NPAS3: variants seen among roughly 807,000 people sequenced by gnomAD.
The protein encoded by NPAS3 is neuronal PAS domain-containing protein 3.
NPAS3 carries 14 observed loss-of-function variants against 73.1 expected under a neutral mutation model. The ratio of observed to expected loss-of-function variants is 0.19; its 90% confidence interval spans 0.13 to 0.30. The LOEUF (loss-of-function observed/expected upper bound fraction) is 0.30, where lower values mean the gene tolerates loss of function less well. NPAS3 is among the 10% of genes least tolerant of loss of function. The pLI, the probability that NPAS3 is intolerant of heterozygous loss-of-function variation, is 1.00. For missense variants in NPAS3, 1,096 were observed against 1,250.0 expected (o/e 0.88, Z 1.86); for synonymous variants, 620 against 541.5 (o/e 1.14, Z -2.01).
intron 4 of NPAS3, among the ~76,000 whole-genome samples, chr14:33,543,402 T>C (rs577825511): frequency 6.6e-6 from 1 of 152,334 alleles, no homozygotes; most frequent in African/African-American, 2.4e-5. Flanking sequence ...TCCCATTCTT[T>C]CTTCACATTC....
upstream of NPAS3, among the ~76,000 whole-genome samples, chr14:32,938,486 T>TAAGAGAGAGAGAGAGAGAGA (rs1555372901): frequency 1.8e-5 from 1 of 55,906 alleles, no homozygotes; most frequent in Non-Finnish European, 3.3e-5. Flanking sequence ...AGAGAGAAAT[T>TAAGAGAGAGAGAGAGAGAGA]GAGAGAGAGA....
intron 7 of NPAS3, among the ~76,000 whole-genome samples, chr14:33,737,348 G>C (rs1368901325): frequency 6.6e-6 from 1 of 152,176 alleles, no homozygotes; most frequent in Non-Finnish European, 1.5e-5. Context: ...GATTAAAGAT[G>C]CTTTGCAGTA....
At chr14:33,272,777 C>T (rs550715852) in intron 3 of NPAS3, among the ~76,000 whole-genome samples, 3 of 152,128 alleles carry the variant, frequency 2.0e-5, no homozygotes, top group Non-Finnish European at 4.4e-5. Flanking sequence ...GTAGACAACA[C>T]GTTGCAAGAA....
chr14:33,331,171 A>C (rs935319920), intron 3 of NPAS3, among the ~76,000 whole-genome samples: 6 of 152,334 alleles, frequency 3.9e-5, no homozygotes, highest in African/African-American at 1.2e-4. Flanking sequence ...AGATCTCATC[A>C]GTACCGAGAC....
intron 4 of NPAS3, among the ~76,000 whole-genome samples, chr14:33,400,727 A>G (rs1225141981): frequency 6.6e-6 from 1 of 152,008 alleles, no homozygotes; most frequent in Non-Finnish European, 1.5e-5. Context: ...ATTTGGAAAC[A>G]TTTTAAACTA....
chr14:33,747,139 G>A (rs1374010092), intron 7 of NPAS3, among the ~76,000 whole-genome samples: 1 of 151,818 alleles, frequency 6.6e-6, no homozygotes, highest in East Asian at 1.9e-4. Flanking sequence ...ACATGCACAC[G>A]TATGTTTACT....
At chr14:33,202,792 T>C (rs904944650) in intron 2 of NPAS3, among the ~76,000 whole-genome samples, 1 of 152,034 alleles carries the variant, frequency 6.6e-6, no homozygotes, top group Non-Finnish European at 1.5e-5. Context: ...CATGGAAAGA[T>C]GGTATCATTA....
chr14:33,638,519 T>C (rs1343456929), intron 5 of NPAS3, among the ~76,000 whole-genome samples: 2 of 152,248 alleles, frequency 1.3e-5, no homozygotes, highest in East Asian at 3.8e-4. Context: ...AGTTCTGTTC[T>C]GTAGATTAAA....
At chr14:33,673,176 C>G (rs982103939) in intron 5 of NPAS3, among the ~76,000 whole-genome samples, 4 of 152,194 alleles carry the variant, frequency 2.6e-5, no homozygotes, top group Non-Finnish European at 1.5e-5. Context: ...CTGAATAAAG[C>G]AAGGCTGAAG....
At chr14:33,265,941 G>T (rs2040795330) in intron 3 of NPAS3, among the ~76,000 whole-genome samples, 1 of 150,874 alleles carries the variant, frequency 6.6e-6, no homozygotes, top group Non-Finnish European at 1.5e-5. Flanking sequence ...GTAGAGATAG[G>T]TATATATTGT....
chr14:33,310,388 G>A (rs561584134), intron 3 of NPAS3, among the ~76,000 whole-genome samples: 20 of 152,240 alleles, frequency 1.3e-4, no homozygotes, highest in African/African-American at 4.8e-4. Flanking sequence ...GAAAATTACT[G>A]GGGGATTTCC....
chr14:33,550,445 G>A (rs17101515), intron 4 of NPAS3, among the ~76,000 whole-genome samples: 2,236 of 152,294 alleles, frequency 0.015, 56 homozygotes, highest in African/African-American at 0.05. Context: ...TTATGTTCTG[G>A]ATATAAGCAA....
At chr14:33,471,343 C>T (rs923271441) in intron 4 of NPAS3, among the ~76,000 whole-genome samples, 11 of 152,192 alleles carry the variant, frequency 7.2e-5, no homozygotes, top group Non-Finnish European at 1.6e-4. Flanking sequence ...TTCAGTTACA[C>T]CAAACTTTCT....
intron 4 of NPAS3, among the ~76,000 whole-genome samples, chr14:33,406,627 T>C (rs2047680030): frequency 6.6e-6 from 1 of 152,156 alleles, no homozygotes; most frequent in Non-Finnish European, 1.5e-5. Flanking sequence ...CCTCTTCATT[T>C]AGTTAATAGC....
chr14:33,281,158 A>G (rs188373162), intron 3 of NPAS3, among the ~76,000 whole-genome samples: 279 of 152,302 alleles, frequency 1.8e-3, no homozygotes, highest in Admixed American at 0.014. Flanking sequence ...TTCTGTTTCT[A>G]CACTACGTAG....
intron 1 of NPAS3, among the ~76,000 whole-genome samples, chr14:32,971,404 T>TAG (rs1272477588): frequency 6.6e-6 from 1 of 152,108 alleles, no homozygotes; most frequent in African/African-American, 2.4e-5. Flanking sequence ...CTTTATAGTC[T>TAG]TACTACCTGT....
At chr14:33,462,868 A>T (rs141680562) in intron 4 of NPAS3, among the ~76,000 whole-genome samples, 66 of 152,328 alleles carry the variant, frequency 4.3e-4, no homozygotes, top group African/African-American at 1.0e-3. Flanking sequence ...ACCACTGGTT[A>T]TCTTATTGAG....
chr14:33,679,070 T>C (rs948392198), intron 6 of NPAS3, among the ~76,000 whole-genome samples: 3 of 152,140 alleles, frequency 2.0e-5, no homozygotes, highest in African/African-American at 7.2e-5. Context: ...TAGGTTTCCT[T>C]CCCCTGCCTT....
chr14:33,317,682 T>A (rs2043264623), intron 3 of NPAS3, among the ~76,000 whole-genome samples: 1 of 152,056 alleles, frequency 6.6e-6, no homozygotes, highest in Admixed American at 6.6e-5. Context: ...AAGAAGGATG[T>A]ATTTGCTTCC....
Sources: gnomAD v4.1 joint callset for allele counts (sites outside exome capture counted in the v4.1 genomes callset) on GRCh38, gnomAD v4.1.1 for gene constraint, MANE v1.5 for transcripts, NCBI Gene and HGNC (gene_info 2026-07-23, HGNC 2026-07-21) for gene names.